Variants in POMT1 observed in about 807,000 individuals in gnomAD.
POMT1 encodes the protein protein O-mannosyltransferase 1.
Under a neutral mutation model 101.6 loss-of-function variants are expected in POMT1, and 85 were observed. That is an observed-to-expected ratio of 0.84 (90% CI 0.70 to 1.00). The LOEUF is 1.00. POMT1 is among the 50% of genes least tolerant of loss of function. POMT1 has a pLI of 0.00. For synonymous variants in POMT1, 371 were observed against 383.0 expected (o/e 0.97, Z 0.37); for missense variants, 857 against 930.4 (o/e 0.92, Z 1.03).
chr9:131,519,046 G>T lies in POMT1; in HGVS notation c.1486+89G>T, dbSNP rs537290205. 108 of 1,585,454 alleles carry T rather than the reference G, an allele frequency of 6.8e-5. No homozygotes were observed. In the African/African-American group the frequency reaches 1.2e-3, roughly 17 times the overall value. On this transcript the variant is annotated intron_variant, in intron 15 of 19. Transcript: ENST00000402686. This position sits in a 1 kb window ranked among gnomAD's most constrained non-coding sequence, Gnocchi z 4.3. ...ACACCCCAGAGTTCTCATTTTGGTGGGAAGGGAACTGAGCACATTCTCCAT... is the reference window on the plus strand; with the variant it reads ...ACACCCCAGAGTTCTCATTTTGGTGTGAAGGGAACTGAGCACATTCTCCAT...
Position 131,522,120 on chromosome 9 carries a change from C to T in POMT1, c.1899C>T (p.Phe633=), listed in dbSNP as rs148869292. ...GGGCAGTGAACTACCTCCCGTTCTT[C>T]CTGATGGAGAAGACACTCTTCCTCT... is the stretch of plus-strand genomic sequence containing the variant. ...GGWAVNYLPF[F]LMEKTLFLYH... The change falls in exon 19 of 20, where the codon TTC becomes TTT. Residue 633 remains phenylalanine (F), a synonymous_variant. Transcript: ENST00000402686. The surrounding 1 kb of genome is among the most constrained non-coding windows in gnomAD (Gnocchi z 5.5). 1.9e-6 allele frequency: 3 copies of T among 1,614,138 alleles called. No individual in the cohort carries two copies. The highest frequency in any genetic ancestry group is 1.7e-5 in the Admixed American group (1 of 60,024).
intron 8 of POMT1, 64 bp downstream of exon 8, chr9:131,510,060 G>T: frequency 1.2e-6 from 2 of 1,614,088 alleles, no homozygotes; most frequent in East Asian, 2.2e-5. Flanking sequence ...GATGTCACAG[G>T]GGGTACTTGG....
In POMT1 at chr9:131,504,192, G is replaced by A. The variant is rs779319881; in HGVS notation, c.-27G>A. 8.7e-6 allele frequency: 14 copies of A among 1,613,846 alleles called. No individual in the cohort carries two copies. In the South Asian group the frequency reaches 1.1e-4, roughly 13 times the overall value. On this transcript the variant is annotated 5_prime_UTR_variant, in exon 2 of 20. Coordinates refer to ENST00000402686, the MANE Select transcript of POMT1 (RefSeq NM_001077365.2). ...CGGCTCCTCCCTTCTTTTCTAGGGCGTCTGCCTGAGCCCGCTTTTCTACAA... is the reference window on the plus strand; with the variant it reads ...CGGCTCCTCCCTTCTTTTCTAGGGCATCTGCCTGAGCCCGCTTTTCTACAA...
chr9:131,506,827 G>T, intron 4 of POMT1: 1 of 313,534 alleles, frequency 3.2e-6, no homozygotes, highest in Non-Finnish European at 6.2e-6. Flanking sequence ...CTGGCACTTT[G>T]GGAGGCTGAG....
Position 131,507,513 on chromosome 9 carries a change from C to T in POMT1, c.426C>T (p.Ile142=), listed in dbSNP as rs771390000. 1.9e-5 allele frequency: 31 copies of T among 1,613,960 alleles called. No individual in the cohort carries two copies. The highest frequency in any genetic ancestry group is 3.3e-4 in the Middle Eastern group (2 of 6,072). The change falls in exon 5 of 20, where the codon ATC becomes ATT. Residue 142 remains isoleucine (I), a splice_region_variant and synonymous_variant. Transcript: ENST00000402686. ...TGGGAGCTGCTCTGTTGATGCTTAT[C>T]GGTAAGACCTGCGCCCCTGCCTGCT... The part of the protein sequence containing the change: ...AAMGAALLML[I]ENALITQSRL...
Position 131,522,083 on chromosome 9 carries a change from G to A in POMT1, c.1862G>A (p.Cys621Tyr). ...WLRWVLAGAL[C>Y]AGGWAVNYLP... ...CGCTGGGTGCTGGCTGGGGCGCTGT[G>A]TGCCGGTGGCTGGGCAGTGAACTAC... The change falls in exon 19 of 20, where the codon TGT becomes TAT. Residue 621 changes from cysteine (C) to tyrosine (Y), a missense_variant. Cys to Tyr is a radical substitution (Grantham distance 194). Transcript: ENST00000402686. The surrounding 1 kb of genome is among the most constrained non-coding windows in gnomAD (Gnocchi z 5.5). 1 of 1,614,144 alleles carries A rather than the reference G, an allele frequency of 6.2e-7. No individual in the cohort carries two copies. The highest frequency in any genetic ancestry group is 8.5e-7 in the Non-Finnish European group (1 of 1,180,036).
chr9:131,515,343 AC>A, intron 12 of POMT1, 82 bp from the exon 13 acceptor site: 1 of 1,428,462 alleles, frequency 7.0e-7, no homozygotes, highest in Non-Finnish European at 9.9e-7. Flanking sequence ...CTGAAAAGCA[AC>A]CTTTTCCTGC....
chr9:131,509,705 A>G lies in POMT1; in HGVS notation c.540-38A>G, dbSNP rs762992702. 6.8e-6 allele frequency: 11 copies of G among 1,614,132 alleles called. No individual in the cohort carries two copies. The South Asian group carries it at 1.1e-4, about 16-fold the overall frequency. On this transcript the variant is annotated intron_variant, in intron 6 of 19. Coordinates refer to ENST00000402686, the MANE Select transcript of POMT1 (RefSeq NM_001077365.2). The stretch of plus-strand genomic sequence containing the variant: ...CACTAGCCTTTTGGAAATGTGTCTG[A>G]ACTATTTCTGTCTCCATCTGCTTTG...
Position 131,521,416 on chromosome 9 carries a change from T to C in POMT1, c.1769T>C (p.Leu590Pro), listed in dbSNP as rs1949889489. The change falls in exon 18 of 20, where the codon CTG (leucine) becomes CCG (proline). Residue 590 changes from leucine to proline, a missense_variant. Transcript: ENST00000402686. Reference protein sequence around the residue: ...SGSLALAIYALLSLWYLLRRR... With the variant: ...SGSLALAIYAPLSLWYLLRRR... ...AGCCTCGCTCTGGCCATCTACGCCC[T>C]GCTGTCCTTGTGGTACCTGCTCCGA... The C allele has an allele frequency of 6.2e-7, 1 of 1,614,080 alleles. No individual in the cohort carries two copies. The highest frequency in any genetic ancestry group is 8.5e-7 in the Non-Finnish European group (1 of 1,180,046).
At chr9:131,508,787 A>G (rs1946424952) in intron 5 of POMT1, 124 bp from the exon 6 acceptor site, 1 of 723,996 alleles carries the variant, frequency 1.4e-6, no homozygotes, top group Admixed American at 2.0e-5. Context: ...ATGTTTTAAC[A>G]TTCACAACAG....
chr9:131,504,755 ATGTGTGTGTGTGTGTGTGTG>A (rs1049729805), intron 2 of POMT1, among the ~76,000 whole-genome samples: 1 of 148,802 alleles, frequency 6.7e-6, no homozygotes, highest in Admixed American at 6.7e-5. Flanking sequence ...TAATGTGTGT[ATGTGTGTGTGTGTGTGTGTG>A]TGTGTGTGTG....
Position 131,521,816 on chromosome 9 carries a change from C to T in POMT1, c.1826-231C>T, listed in dbSNP as rs1005298545. Among the ~76,000 whole-genome samples, 6 of 152,284 alleles carry T rather than the reference C, an allele frequency of 3.9e-5. No individual in the cohort carries two copies. The South Asian group carries it at 1.2e-3, about 32-fold the overall frequency. Reference sequence around the variant, plus strand: ...AATTGCCCTCTTGGTCCCATGTTGCCCGTATGCGCTGGAAATGGCTGGGTA... The same window carrying T: ...AATTGCCCTCTTGGTCCCATGTTGCTCGTATGCGCTGGAAATGGCTGGGTA... On this transcript the variant is annotated intron_variant, in intron 18 of 19. Transcript: ENST00000402686.
In POMT1 at chr9:131,523,607, G is replaced by A. The variant is rs1950380587; in HGVS notation, c.*501G>A. 2 of 220,166 alleles carry A rather than the reference G, an allele frequency of 9.1e-6. No homozygotes were observed. The highest frequency in any genetic ancestry group is 9.2e-6 in the Non-Finnish European group (1 of 109,008). The allele number at this position is 220,166 out of a possible 1,614,324, so 13.6% of individuals were successfully genotyped here. On this transcript the variant is annotated 3_prime_UTR_variant, in exon 20 of 20. Transcript: ENST00000402686. ...CCACCTGAACCACGAGCCAGGGCTGGGGCTTGCATGTCATTGTCTATGACA... is the reference window on the plus strand; with the variant it reads ...CCACCTGAACCACGAGCCAGGGCTGAGGCTTGCATGTCATTGTCTATGACA...
chr9:131,515,702 G>A (rs1004502978), intron 13 of POMT1, among the ~76,000 whole-genome samples, 180 bp downstream of exon 13: 11 of 139,340 alleles, frequency 7.9e-5, no homozygotes, highest in South Asian at 4.8e-4. Flanking sequence ...TTCCTCACAC[G>A]GAACACTTCC....
In POMT1 at chr9:131,513,282, G is replaced by A. The variant is rs146869947; in HGVS notation, c.1126G>A (p.Gly376Arg). 1,850 of 1,612,996 alleles carry A rather than the reference G, an allele frequency of 1.1e-3. 30 individuals carry two copies. Among genetic ancestry groups the A allele is most frequent in the East Asian group, 1.1e-3 (48 of 44,868 alleles). Residue 376 changes from glycine (G) to arginine (R), a missense_variant, in exon 12 of 20, where the codon GGG becomes AGG. Physicochemically the swap from Gly to Arg is moderately radical, Grantham distance 125. Coordinates refer to ENST00000402686, the MANE Select transcript of POMT1 (RefSeq NM_001077365.2). ...CAGCCCTCCGAGACCTGTGAGGCAC[G>A]GGGACATGGTGCAGCTGGTCCACGG... Reference protein sequence around the residue: ...VSSPPRPVRHGDMVQLVHGMT... With the variant: ...VSSPPRPVRHRDMVQLVHGMT...
rs1949375427 is a variant in POMT1, at chr9:131,519,115, T to C, written c.1486+158T>C. On this transcript the variant is annotated intron_variant, in intron 15 of 19. Coordinates refer to ENST00000402686, the MANE Select transcript of POMT1 (RefSeq NM_001077365.2). The surrounding 1 kb of genome is among the most constrained non-coding windows in gnomAD (Gnocchi z 4.3). ...TCCCTCCCTGCACCCTGCACTCAGC[T>C]GCTGCAGTAATAACTCAAGACGCTT... is the stretch of plus-strand genomic sequence containing the variant. Among the ~76,000 whole-genome samples the C allele has an allele frequency of 6.6e-6, 1 of 152,200 alleles. No homozygotes were observed. Among genetic ancestry groups the C allele is most frequent in the Admixed American group, 6.5e-5 (1 of 15,280 alleles).
intron 9 of POMT1, chr9:131,510,737 C>G (rs1946935956): frequency 5.2e-6 from 2 of 385,702 alleles, no homozygotes; most frequent in Admixed American, 7.4e-5. Context: ...AACTCCTGAC[C>G]TCAAGTGATC....
intron 6 of POMT1, 99 bp from the exon 7 acceptor site, chr9:131,509,644 C>T (rs551618026): frequency 2.7e-5 from 43 of 1,607,906 alleles, no homozygotes; most frequent in Middle Eastern, 2.0e-4. Flanking sequence ...CATGGCCAGC[C>T]GACCCAGAAA....
At chr9:131,518,778 G>A in intron 14 of POMT1, 59 bp from the exon 15 acceptor site, 6 of 1,613,504 alleles carry the variant, frequency 3.7e-6, no homozygotes, top group Non-Finnish European at 5.1e-6. Context: ...TCCAACCCAA[G>A]TGGACACGGG....
Sources: gnomAD v4.1 joint callset for allele counts (sites outside exome capture counted in the v4.1 genomes callset) on GRCh38, gnomAD v4.1.1 for gene constraint, Gnocchi (gnomAD v3.1) non-coding constraint, MANE v1.5 for transcripts, NCBI Gene and HGNC (gene_info 2026-07-23, HGNC 2026-07-21) for gene names.